ABCA8: variants seen among roughly 807,000 people sequenced by gnomAD.
ABCA8 encodes ATP binding cassette subfamily A member 8.
In ABCA8, 177 loss-of-function variants were observed where a neutral mutation model predicts 192.3. That is an observed-to-expected ratio of 0.92 (90% CI 0.81 to 1.04). ABCA8 has a LOEUF of 1.04. Ranked by LOEUF, ABCA8 falls within the 50% of genes least tolerant of loss-of-function variation. The pLI is 0.00. For missense variants in ABCA8, 1,915 were observed against 1,904.8 expected (o/e 1.01, Z -0.10); for synonymous variants, 642 against 690.2 (o/e 0.93, Z 1.09).
chr17:68,898,229 C>T (rs1043343343), intron 21 of ABCA8, among the ~76,000 whole-genome samples: 3 of 152,176 alleles, frequency 2.0e-5, no homozygotes, highest in Admixed American at 2.0e-4. Flanking sequence ...GCAAAACTAG[C>T]TTTCAAAGAT....
rs571368870 is a variant in ABCA8 at position 68,867,368 on chromosome 17, T to C, written c.*717A>G. ...TGAGCTGTTGCTACATTTGTGAACT[T>C]TCTGAAACCAAGTGACAAATATCCA... is the stretch of plus-strand genomic sequence containing the variant. On this transcript the variant is annotated 3_prime_UTR_variant, in exon 40 of 40. Transcript: ENST00000586539. 6.6e-6 allele frequency: 1 copy of C among 152,300 alleles called. No homozygotes were observed. Among genetic ancestry groups the C allele is most frequent in the South Asian group, 2.1e-4 (1 of 4,828 alleles). 9.4% of individuals were successfully genotyped at this position (152,300 alleles called of 1,614,324 possible).
rs143982590 is a variant in ABCA8, at chr17:68,901,751, T to C, written c.2764+962A>G. Among the ~76,000 whole-genome samples the C allele has an allele frequency of 8.1e-3, 1,199 of 148,160 alleles. 18 individuals carry two copies. The highest frequency in any genetic ancestry group is 0.027 in the African/African-American group (1,084 of 39,726). On this transcript the variant is annotated intron_variant, in intron 21 of 39. Transcript: ENST00000586539. Reference sequence around the variant, plus strand: ...TGAATCTGGGAGGCGGAGGTTGCAGTGAGCCGAAATTGTGCCACTGGTCTC... The same window carrying C: ...TGAATCTGGGAGGCGGAGGTTGCAGCGAGCCGAAATTGTGCCACTGGTCTC...
At position 68,924,811 on chromosome 17, in the gene ABCA8, T is replaced by C. The variant is rs754660107; in HGVS notation, c.1332A>G (p.Gln444=). The C allele has an allele frequency of 3.2e-5, 51 of 1,614,028 alleles. No homozygotes were observed. In the South Asian group the frequency reaches 4.8e-4, roughly 15 times the overall value. ...GGGCCACGTGATCAGTCTTTTGTGT[T>C]TGAGACCAAAATGAGGACTTCAGGA... ...LFFLKSSFWS[Q]TQKTDHVALE... Residue 444 remains glutamine, a synonymous_variant, in exon 11 of 40, where the codon CAA becomes CAG. Coordinates refer to ENST00000586539, the MANE Select transcript of ABCA8 (RefSeq NM_001288985.2).
At chr17:68,918,005 T>A in intron 16 of ABCA8, 42 bp downstream of exon 16, 1 of 1,608,646 alleles carries the variant, frequency 6.2e-7, no homozygotes, top group Non-Finnish European at 8.5e-7. Context: ...TTTAGATCTC[T>A]TAAAGTCCTC....
In ABCA8 at chr17:68,885,092, C is replaced by T. The variant is rs1045435402; in HGVS notation, c.3549+104G>A. 1.6e-5 allele frequency: 21 copies of T among 1,300,118 alleles called. No homozygotes were observed. In the African/African-American group the frequency reaches 2.8e-4, roughly 17 times the overall value. The allele number at this position is 1,300,118 out of a possible 1,614,324, so 80.5% of individuals were successfully genotyped here. ...ATTCCGTCAGGCAGAAATCTTTGAA[C>T]CCCATGCACTTTAAACATGTTGTAG... On this transcript the variant is annotated intron_variant, in intron 27 of 39. Coordinates refer to ENST00000586539, the MANE Select transcript of ABCA8 (RefSeq NM_001288985.2).
chr17:68,924,893 A>G (rs766159779), intron 10 of ABCA8, 24 bp from the exon 11 acceptor site: 3 of 1,610,184 alleles, frequency 1.9e-6, no homozygotes, highest in Admixed American at 3.4e-5. Context: ...AGACAATTAA[A>G]TATTGGGTCA....
chr17:68,924,994 A>G (rs2067658133), intron 10 of ABCA8, 125 bp from the exon 11 acceptor site: 3 of 922,912 alleles, frequency 3.3e-6, no homozygotes, highest in Non-Finnish European at 4.8e-6. Context: ...AACAGCAGGT[A>G]ATGCACGTTT....
rs766320477 is a variant in ABCA8 at position 68,887,002 on chromosome 17, A to G, written c.3429+15T>C. Reference sequence around the variant, plus strand: ...TCAAATATATACAGTATACATCCACAAGAAATATACTTACAACATAGAAAC... The same window carrying G: ...TCAAATATATACAGTATACATCCACGAGAAATATACTTACAACATAGAAAC... On this transcript the variant is annotated intron_variant, in intron 26 of 39. Transcript: ENST00000586539. The G allele has an allele frequency of 3.8e-5, 58 of 1,540,942 alleles. No homozygotes were observed. In the Admixed American group the frequency reaches 9.4e-4, roughly 25 times the overall value.
rs917297133 is a variant in ABCA8 at position 68,911,857 on chromosome 17, G to A, written c.2139-3978C>T. Among the ~76,000 whole-genome samples, 2 of 152,104 alleles carry A rather than the reference G, an allele frequency of 1.3e-5. No homozygotes were observed. The highest frequency in any genetic ancestry group is 2.9e-5 in the Non-Finnish European group (2 of 68,022). ...TCCAAGAGCACCAAAGTGGTACGTC[G>A]AAGAGTCTGCAAGAATCACCATGTT... On this transcript the variant is annotated intron_variant, in intron 17 of 39. Transcript: ENST00000586539. The surrounding 1 kb of genome is among the most constrained non-coding windows in gnomAD (Gnocchi z 5.7).
At chr17:68,939,984 T>C (rs1178934964) in intron 4 of ABCA8, among the ~76,000 whole-genome samples, 1 of 152,088 alleles carries the variant, frequency 6.6e-6, no homozygotes, top group Non-Finnish European at 1.5e-5. Flanking sequence ...CAGACACATA[T>C]GTATCACAGC....
chr17:68,870,891 CTATTTTTGA>C (rs2066031619), intron 37 of ABCA8, among the ~76,000 whole-genome samples: 1 of 152,098 alleles, frequency 6.6e-6, no homozygotes, highest in South Asian at 2.1e-4. Flanking sequence ...TAAGATAGTT[CTATTTTTGA>C]TATTTTGAGA....
At chr17:68,936,583 G>A (rs1230236220) in intron 5 of ABCA8, among the ~76,000 whole-genome samples, 1 of 151,926 alleles carries the variant, frequency 6.6e-6, no homozygotes, top group East Asian at 1.9e-4. Flanking sequence ...CTATAGCCTT[G>A]TAGTATAATT....
chr17:68,932,137 G>A (rs1427875178), intron 7 of ABCA8, 151 bp downstream of exon 7: 1 of 561,444 alleles, frequency 1.8e-6, no homozygotes, highest in Non-Finnish European at 3.1e-6. Flanking sequence ...GTGAACCTGT[G>A]AGGCGGAGCT....
intron 21 of ABCA8, among the ~76,000 whole-genome samples, chr17:68,895,720 T>A (rs2143424085): frequency 6.6e-6 from 1 of 152,254 alleles, no homozygotes; most frequent in East Asian, 1.9e-4. Flanking sequence ...GGCTATAGTA[T>A]CTTCACGGGA....
chr17:68,913,289 C>G (rs2067269220), intron 17 of ABCA8, among the ~76,000 whole-genome samples: 1 of 151,738 alleles, frequency 6.6e-6, no homozygotes, highest in Admixed American at 6.6e-5. Flanking sequence ...GTGCTTACAT[C>G]AAAAAGAGAA....
chr17:68,878,286 CA>C (rs1489510476), intron 32 of ABCA8: 2 of 152,100 alleles, frequency 1.3e-5, no homozygotes, highest in Non-Finnish European at 2.9e-5. Context: ...GCCATTTCAA[CA>C]AAGAGGAGAA....
At chr17:68,894,123 G>T (rs912304369) in intron 23 of ABCA8, 50 bp downstream of exon 23, 5 of 1,588,024 alleles carry the variant, frequency 3.1e-6, no homozygotes, top group Non-Finnish European at 1.7e-6. Flanking sequence ...GGTGATCTGG[G>T]AGATTCCTGA....
Position 68,933,180 on chromosome 17 carries a change from A to G in ABCA8, c.558T>C (p.Ala186=). ...ATTTTGTACTCACTTCTATAATAGC[A>G]GCATTAATGGCAGCTTGAAGAGCCA... is the stretch of plus-strand genomic sequence containing the variant. ...GFVALQAAIN[A]AIIEITTNHS... The change falls in exon 6 of 40, where the codon GCT becomes GCC. Residue 186 remains alanine, a synonymous_variant. Transcript: ENST00000586539. 5.6e-6 allele frequency: 9 copies of G among 1,610,042 alleles called. No homozygotes were observed. Among genetic ancestry groups the G allele is most frequent in the Non-Finnish European group, 5.9e-6 (7 of 1,176,972 alleles).
intron 2 of ABCA8, among the ~76,000 whole-genome samples, chr17:68,944,365 T>C (rs1242236999): frequency 6.1e-4 from 61 of 100,740 alleles, no homozygotes; most frequent in East Asian, 7.6e-4. Flanking sequence ...TATATACACA[T>C]ATACATACAT....
Sources: gnomAD v4.1 joint callset for allele counts (sites outside exome capture counted in the v4.1 genomes callset) on GRCh38, gnomAD v4.1.1 for gene constraint, Gnocchi (gnomAD v3.1) non-coding constraint, MANE v1.5 for transcripts, NCBI Gene and HGNC (gene_info 2026-07-23, HGNC 2026-07-21) for gene names.